Variants in SCX observed in about 807,000 individuals in gnomAD.
The protein encoded by SCX is scleraxis bHLH transcription factor.
In SCX, 7 loss-of-function variants were observed where a neutral mutation model predicts 12.2. The ratio of observed to expected loss-of-function variants is 0.57; its 90% confidence interval spans 0.33 to 1.08. The LOEUF is 1.08. Ranked by LOEUF, SCX falls within the 50% of genes least tolerant of loss-of-function variation. SCX has a pLI of 0.04. For synonymous variants in SCX, 193 were observed against 163.9 expected, an observed-to-expected ratio of 1.18 and a Z score of -1.36; for missense variants, 342 against 337.2, an observed-to-expected ratio of 1.01 and a Z score of -0.11.
rs1845389462 is a variant in SCX, at chr8:144,267,089, C to A, written c.476C>A (p.Pro159Gln). ...CACGCGGCGCGCGCCGGCAGCCCCC[C>A]GCCGCCGCCCCCGCCGCCTCCCGCC... Reference protein sequence around the residue: ...FFHAARAGSPPPPPPPPPARD... With the variant: ...FFHAARAGSPQPPPPPPPARD... Residue 159 changes from proline (P) to glutamine (Q), a missense_variant, in exon 1 of 2, where the codon CCG (proline) becomes CAG (glutamine). This residue lies in a region of SCX where 161 missense variants were observed against 155.7 expected (regional missense o/e 1.03). Coordinates refer to ENST00000567180, the MANE Select transcript of SCX (RefSeq NM_001080514.3). The A allele has an allele frequency of 1.5e-6, 2 of 1,373,428 alleles. No homozygotes were observed. Among genetic ancestry groups the A allele is most frequent in the Non-Finnish European group, 1.9e-6 (2 of 1,072,762 alleles). The allele number at this position is 1,373,428 out of a possible 1,614,324, so 85.1% of individuals were successfully genotyped here.
rs1323682745 is a variant in SCX at position 144,266,825 on chromosome 8, G to A, written c.212G>A (p.Gly71Asp). Reference protein sequence around the residue: ...AGGGGPGGRPGREPRQRHTAN... With the variant: ...AGGGGPGGRPDREPRQRHTAN... Reference sequence around the variant, plus strand: ...GGCGGGGGGCCAGGGGGCCGGCCAGGCCGTGAGCCCCGGCAGCGGCACACG... The same window carrying A: ...GGCGGGGGGCCAGGGGGCCGGCCAGACCGTGAGCCCCGGCAGCGGCACACG... Residue 71 changes from glycine to aspartate, a missense_variant, in exon 1 of 2, where the codon GGC becomes GAC. Coordinates refer to ENST00000567180, the MANE Select transcript of SCX (RefSeq NM_001080514.3). 1.6e-6 allele frequency: 2 copies of A among 1,268,954 alleles called. No homozygotes were observed. Among genetic ancestry groups the A allele is most frequent in the East Asian group, 3.9e-5 (1 of 25,890 alleles). 78.6% of individuals were successfully genotyped at this position (1,268,954 alleles called of 1,614,324 possible).
intron 1 of SCX, 97 bp from the exon 2 acceptor site, chr8:144,268,007 G>A (rs995303877): frequency 1.1e-5 from 17 of 1,535,380 alleles, no homozygotes; most frequent in Middle Eastern, 2.2e-4. Context: ...GTGCCTTGGC[G>A]CTGGCCACCT....
Position 144,266,872 on chromosome 8 carries a change from C to A in SCX, c.259C>A (p.Arg87Ser). The A allele has an allele frequency of 1.4e-6, 2 of 1,479,350 alleles. No homozygotes were observed. Among genetic ancestry groups the A allele is most frequent in the Non-Finnish European group, 1.8e-6 (2 of 1,115,708 alleles). The allele number at this position is 1,479,350 out of a possible 1,614,324, so 91.6% of individuals were successfully genotyped here. The change falls in exon 1 of 2, where the codon CGC (arginine) becomes AGC (serine). Residue 87 changes from arginine to serine, a missense_variant. Coordinates refer to ENST00000567180, the MANE Select transcript of SCX (RefSeq NM_001080514.3). ...RHTANARERD[R>S]TNSVNTAFTA... ...CACGGCGAACGCGCGCGAGCGAGAC[C>A]GCACCAACAGCGTGAACACGGCCTT...
intron 1 of SCX, 24 bp downstream of exon 1, chr8:144,267,204 G>A (rs989732565): frequency 8.7e-6 from 13 of 1,493,364 alleles, no homozygotes; most frequent in Middle Eastern, 1.9e-4. Context: ...GTGGGGCGCC[G>A]AGGGGGGCCT....
chr8:144,268,429 AAT>A lies in SCX; in HGVS notation c.*291_*292del. The stretch of plus-strand genomic sequence containing the variant: ...TGGCATCTTGTGTTTTTGATATGAT[AAT>A]ATAAAGTCTGAAAATTTTGTATAAT... On this transcript the variant is annotated 3_prime_UTR_variant, in exon 2 of 2. Coordinates refer to ENST00000567180, the MANE Select transcript of SCX (RefSeq NM_001080514.3). 3 of 566,128 alleles carry A rather than the reference AAT, an allele frequency of 5.3e-6. No individual in the cohort carries two copies. The highest frequency in any genetic ancestry group is 6.2e-6 in the Non-Finnish European group (2 of 320,470). 35.1% of individuals were successfully genotyped at this position (566,128 alleles called of 1,614,324 possible). A position where few individuals can be genotyped will look rare whatever the true frequency, so the allele number is the denominator to read the frequency against.
In SCX at chr8:144,268,448, T is replaced by C. The variant is rs1845432422; in HGVS notation, c.*306T>C. 2 of 544,762 alleles carry C rather than the reference T, an allele frequency of 3.7e-6. No homozygotes were observed. The highest frequency in any genetic ancestry group is 6.5e-6 in the Non-Finnish European group (2 of 308,428). 33.7% of individuals were successfully genotyped at this position (544,762 alleles called of 1,614,324 possible). A position where few individuals can be genotyped will look rare whatever the true frequency, so the allele number is the denominator to read the frequency against. On this transcript the variant is annotated 3_prime_UTR_variant, in exon 2 of 2. Coordinates refer to ENST00000567180, the MANE Select transcript of SCX (RefSeq NM_001080514.3). ...TATGATAATATAAAGTCTGAAAATT[T>C]TGTATAATTAAAAACAAAACAGTAT... is the stretch of plus-strand genomic sequence containing the variant.
Position 144,268,357 on chromosome 8 carries a change from G to A in SCX, c.*215G>A. The A allele has an allele frequency of 1.6e-6, 1 of 631,702 alleles. No individual in the cohort carries two copies. The highest frequency in any genetic ancestry group is 2.7e-6 in the Non-Finnish European group (1 of 367,298). The allele number at this position is 631,702 out of a possible 1,614,324, so 39.1% of individuals were successfully genotyped here. A position where few individuals can be genotyped will look rare whatever the true frequency, so the allele number is the denominator to read the frequency against. On this transcript the variant is annotated 3_prime_UTR_variant, in exon 2 of 2. Coordinates refer to ENST00000567180, the MANE Select transcript of SCX (RefSeq NM_001080514.3). ...TGCGCTGGCCCCAGCACCTGCCCGG[G>A]CCCACTGGAACTTTCTGCGCTGGCT...
Position 144,268,323 on chromosome 8 carries a change from G to T in SCX, c.*181G>T. The T allele has an allele frequency of 1.2e-6, 1 of 826,846 alleles. No individual in the cohort carries two copies. The highest frequency in any genetic ancestry group is 1.9e-6 in the Non-Finnish European group (1 of 537,158). 51.2% of individuals were successfully genotyped at this position (826,846 alleles called of 1,614,324 possible). ...ACGGACGTACAGACAGGCGCCGGCA[G>T]CGGGACTCTGCGCTGGCCCCAGCAC... On this transcript the variant is annotated 3_prime_UTR_variant, in exon 2 of 2. Coordinates refer to ENST00000567180, the MANE Select transcript of SCX (RefSeq NM_001080514.3).
chr8:144,267,871 C>T (rs1845414915), intron 1 of SCX, among the ~76,000 whole-genome samples: 1 of 152,262 alleles, frequency 6.6e-6, no homozygotes, highest in Non-Finnish European at 1.5e-5. Context: ...ATTTCCTCTC[C>T]AGACAGCACG....
intron 1 of SCX, among the ~76,000 whole-genome samples, chr8:144,267,470 AGCTGGACCAGGCC>A (rs1239763194): frequency 2.0e-5 from 3 of 152,288 alleles, no homozygotes; most frequent in Admixed American, 6.5e-5. Context: ...GAGGCTGGGG[AGCTGGACCAGGCC>A]GCTGCAAGCT....
rs1845382841 is a variant in SCX at position 144,266,874 on chromosome 8, C to T, written c.261C>T (p.Arg87=). 3 of 1,492,234 alleles carry T rather than the reference C, an allele frequency of 2.0e-6. No homozygotes were observed. The highest frequency in any genetic ancestry group is 2.9e-5 in the East Asian group (1 of 34,638). The allele number at this position is 1,492,234 out of a possible 1,614,324, so 92.4% of individuals were successfully genotyped here. Residue 87 remains arginine (R), a synonymous_variant, in exon 1 of 2, where the codon CGC becomes CGT. Transcript: ENST00000567180. ...RHTANARERD[R]TNSVNTAFTA... is the part of the protein sequence containing the mutation. ...CGGCGAACGCGCGCGAGCGAGACCGCACCAACAGCGTGAACACGGCCTTCA... is the reference window on the plus strand; with the variant it reads ...CGGCGAACGCGCGCGAGCGAGACCGTACCAACAGCGTGAACACGGCCTTCA...
rs1264450700 is a variant in SCX, at chr8:144,268,391, G to A, written c.*249G>A. The A allele has an allele frequency of 3.9e-5, 23 of 589,532 alleles. No individual in the cohort carries two copies. Among genetic ancestry groups the A allele is most frequent in the Middle Eastern group, 4.5e-4 (1 of 2,228 alleles). The allele number at this position is 589,532 out of a possible 1,614,324, so 36.5% of individuals were successfully genotyped here. Reference sequence around the variant, plus strand: ...AACTTTCTGCGCTGGCTTTTCTTCCGGCCACTGTGTGATGGCATCTTGTGT... The same window carrying A: ...AACTTTCTGCGCTGGCTTTTCTTCCAGCCACTGTGTGATGGCATCTTGTGT... On this transcript the variant is annotated 3_prime_UTR_variant, in exon 2 of 2. Coordinates refer to ENST00000567180, the MANE Select transcript of SCX (RefSeq NM_001080514.3).
chr8:144,266,693 A>G lies in SCX; in HGVS notation c.80A>G (p.Asp27Gly). The G allele has an allele frequency of 8.2e-7, 1 of 1,225,498 alleles. No homozygotes were observed. Among genetic ancestry groups the G allele is most frequent in the African/African-American group, 1.6e-5 (1 of 60,808 alleles). The allele number at this position is 1,225,498 out of a possible 1,614,324, so 75.9% of individuals were successfully genotyped here. A position where few individuals can be genotyped will look rare whatever the true frequency, so the allele number is the denominator to read the frequency against. Residue 27 changes from aspartate to glycine, a missense_variant, in exon 1 of 2, where the codon GAC (aspartate) becomes GGC (glycine). By Grantham distance (94) the Asp-to-Gly change is moderately conservative. Around this residue, in one of 3 missense-constraint regions of SCX, gnomAD observed 139 missense variants for 107.8 expected, o/e 1.29. Transcript: ENST00000567180. ...PEVSPLSEDE[D>G]RGSDSSGSDE... is the part of the protein sequence containing the mutation. ...GTGAGCCCGCTGTCGGAGGACGAGGACCGCGGCAGCGACAGCTCGGGCTCC... is the reference window on the plus strand; with the variant it reads ...GTGAGCCCGCTGTCGGAGGACGAGGGCCGCGGCAGCGACAGCTCGGGCTCC...
chr8:144,266,642 C>A lies in SCX; in HGVS notation c.29C>A (p.Pro10Gln), dbSNP rs1387551437. The A allele has an allele frequency of 4.0e-6, 5 of 1,243,534 alleles. No individual in the cohort carries two copies. Among genetic ancestry groups the A allele is most frequent in the Admixed American group, 3.1e-5 (1 of 32,066 alleles). The allele number at this position is 1,243,534 out of a possible 1,614,324, so 77.0% of individuals were successfully genotyped here. The part of the protein sequence containing the change: MSFATLRPA[P>Q]PGRYLYPEVS... ...TCCTTCGCCACGCTGCGCCCGGCGC[C>A]GCCGGGCCGCTACCTGTACCCCGAG... The change falls in exon 1 of 2, where the codon CCG becomes CAG. Residue 10 changes from proline to glutamine, a missense_variant. Pro to Gln is a moderately conservative substitution (Grantham distance 76). Around this residue, in one of 3 missense-constraint regions of SCX, gnomAD observed 139 missense variants for 107.8 expected, o/e 1.29. Transcript: ENST00000567180.
chr8:144,268,295 C>A lies in SCX; in HGVS notation c.*153C>A. The A allele has an allele frequency of 8.8e-7, 1 of 1,137,286 alleles. No individual in the cohort carries two copies. The highest frequency in any genetic ancestry group is 1.2e-6 in the Non-Finnish European group (1 of 802,480). 70.4% of individuals were successfully genotyped at this position (1,137,286 alleles called of 1,614,324 possible). A position where few individuals can be genotyped will look rare whatever the true frequency, so the allele number is the denominator to read the frequency against. ...CCTGGCTGCGAGCGGGGCCGAGGGA[C>A]AGACGGACGTACAGACAGGCGCCGG... On this transcript the variant is annotated 3_prime_UTR_variant, in exon 2 of 2. Transcript: ENST00000567180.
intron 1 of SCX, among the ~76,000 whole-genome samples, chr8:144,267,636 G>A (rs1000166670): frequency 0.026 from 3,961 of 152,302 alleles, 159 homozygotes; most frequent in African/African-American, 0.089. Flanking sequence ...CCTGCTGTCC[G>A]TCCCCCACCT....
At position 144,267,135 on chromosome 8, in the gene SCX, G is replaced by A. The variant is rs1285267775; in HGVS notation, c.522G>A (p.Gln174=). 12 of 1,523,026 alleles carry A rather than the reference G, an allele frequency of 7.9e-6. No individual in the cohort carries two copies. Among genetic ancestry groups the A allele is most frequent in the South Asian group, 6.0e-5 (5 of 83,168 alleles). 94.3% of individuals were successfully genotyped at this position (1,523,026 alleles called of 1,614,324 possible). Residue 174 remains glutamine (Q), a synonymous_variant, in exon 1 of 2, where the codon CAG becomes CAA. Transcript: ENST00000567180. ...PPPARDGENT[Q]PKQICTFCLS... ...CCGCCCGCGACGGCGAGAACACCCA[G>A]CCCAAACAGATCTGCACCTTCTGCC...
rs1845428171 is a variant in SCX at position 144,268,291 on chromosome 8, G to A, written c.*149G>A. On this transcript the variant is annotated 3_prime_UTR_variant, in exon 2 of 2. Transcript: ENST00000567180. ...CAGCCCTGGCTGCGAGCGGGGCCGA[G>A]GGACAGACGGACGTACAGACAGGCG... The A allele has an allele frequency of 8.5e-7, 1 of 1,179,590 alleles. No homozygotes were observed. The highest frequency in any genetic ancestry group is 1.2e-6 in the Non-Finnish European group (1 of 839,118). 73.1% of individuals were successfully genotyped at this position (1,179,590 alleles called of 1,614,324 possible).
Position 144,266,618 on chromosome 8 carries a change from C to T in SCX, c.5C>T (p.Ser2Phe). 8.3e-7 allele frequency: 1 copy of T among 1,210,774 alleles called. No homozygotes were observed. The highest frequency in any genetic ancestry group is 1.0e-6 in the Non-Finnish European group (1 of 955,294). 75.0% of individuals were successfully genotyped at this position (1,210,774 alleles called of 1,614,324 possible). The part of the protein sequence containing the change: M[S>F]FATLRPAPPG... Reference sequence around the variant, plus strand: ...CGCCGCGCCCCCGCCGGCCCCATGTCCTTCGCCACGCTGCGCCCGGCGCCG... The same window carrying T: ...CGCCGCGCCCCCGCCGGCCCCATGTTCTTCGCCACGCTGCGCCCGGCGCCG... Residue 2 changes from serine (S) to phenylalanine (F), a missense_variant, in exon 1 of 2, where the codon TCC (serine) becomes TTC (phenylalanine). By Grantham distance (155) the Ser-to-Phe change is radical. Transcript: ENST00000567180.
Sources: gnomAD v4.1 joint callset for allele counts (sites outside exome capture counted in the v4.1 genomes callset) on GRCh38, gnomAD v4.1.1 for gene constraint, gnomAD v4.1.1 regional missense constraint, MANE v1.5 for transcripts, NCBI Gene and HGNC (gene_info 2026-07-23, HGNC 2026-07-21) for gene names.